The following EPHA3 variants were observed in gnomAD, a reference collection of about 807,000 sequenced individuals.
EPHA3 encodes EPH receptor A3.
EPHA3 carries 42 observed loss-of-function variants against 107.1 expected under a neutral mutation model. The observed-to-expected ratio is 0.39, with a 90% CI of 0.31 to 0.51. EPHA3 has a LOEUF of 0.51. Ranked by LOEUF, EPHA3 falls within the 20% of genes least tolerant of loss-of-function variation. The pLI is 0.78. For synonymous variants in EPHA3, 461 were observed against 424.8 expected, an observed-to-expected ratio of 1.09 and a Z score of -1.05; for missense variants, 1,183 against 1,211.2, an observed-to-expected ratio of 0.98 and a Z score of 0.35.
At chr3:89,334,872 C>T (rs1707360159) in intron 3 of EPHA3, among the ~76,000 whole-genome samples, 2 of 152,182 alleles carry the variant, frequency 1.3e-5, no homozygotes, top group Non-Finnish European at 2.9e-5. Context: ...TTCCCGCTTC[C>T]TAGTCCAGTG....
At chr3:89,293,975 T>C (rs1390825457) in intron 3 of EPHA3, among the ~76,000 whole-genome samples, 5 of 152,180 alleles carry the variant, frequency 3.3e-5, no homozygotes, top group Non-Finnish European at 7.3e-5. Flanking sequence ...TTTTACATAA[T>C]TTTCATGTAA....
chr3:89,289,982 A>G (rs775847258), intron 3 of EPHA3, among the ~76,000 whole-genome samples: 27 of 152,100 alleles, frequency 1.8e-4, no homozygotes, highest in Non-Finnish European at 2.6e-4. Flanking sequence ...TACCTAATGT[A>G]ACAGACCATG....
intron 5 of EPHA3, among the ~76,000 whole-genome samples, chr3:89,359,412 G>GA (rs1708038902): frequency 1.3e-5 from 2 of 150,390 alleles, no homozygotes; most frequent in Admixed American, 1.3e-4. Flanking sequence ...AGATATAAAG[G>GA]AAAAATCCAC....
intron 3 of EPHA3, among the ~76,000 whole-genome samples, chr3:89,294,472 A>T (rs1308386486): frequency 1.3e-5 from 2 of 151,978 alleles, no homozygotes; most frequent in East Asian, 3.9e-4. Flanking sequence ...TGGTAGTTTC[A>T]TTTATTCCTT....
chr3:89,233,010 G>A (rs1704673228), intron 3 of EPHA3, among the ~76,000 whole-genome samples: 2 of 152,054 alleles, frequency 1.3e-5, no homozygotes, highest in Non-Finnish European at 2.9e-5. Flanking sequence ...AAATAGTCAA[G>A]TTGAGGCTTT....
intron 13 of EPHA3, among the ~76,000 whole-genome samples, chr3:89,441,602 A>C (rs1271351730): frequency 1.3e-5 from 2 of 152,178 alleles, no homozygotes; most frequent in Non-Finnish European, 2.9e-5. Flanking sequence ...CATTTTAAAA[A>C]TGTCCTTCAC....
intron 3 of EPHA3, among the ~76,000 whole-genome samples, chr3:89,237,519 CT>C (rs1704794651): frequency 6.6e-6 from 1 of 152,172 alleles, no homozygotes; most frequent in Non-Finnish European, 1.5e-5. Flanking sequence ...TTTTTGTTGA[CT>C]TTTCATTTTT....
intron 2 of EPHA3, among the ~76,000 whole-genome samples, chr3:89,186,741 G>A (rs1705577223): frequency 6.6e-6 from 1 of 152,034 alleles, no homozygotes; most frequent in Non-Finnish European, 1.5e-5. Flanking sequence ...AGTACATTCA[G>A]TGTTTAGGTA....
chr3:89,210,632 T>A (rs570271548), intron 3 of EPHA3, 112 bp downstream of exon 3: 1 of 1,099,354 alleles, frequency 9.1e-7, no homozygotes, highest in Non-Finnish European at 1.3e-6. Context: ...AAAACATGCC[T>A]CAAACTGACC....
intron 3 of EPHA3, among the ~76,000 whole-genome samples, chr3:89,340,073 G>A (rs978417919): frequency 6.6e-6 from 1 of 152,164 alleles, no homozygotes; most frequent in East Asian, 1.9e-4. Flanking sequence ...AAATAATATA[G>A]TAGAGGCAGT....
rs1357125139 is a variant in EPHA3 at position 89,274,712 on chromosome 3, CT to C, written c.814+64193del. Among the ~76,000 whole-genome samples the C allele has an allele frequency of 2.6e-5, 4 of 152,054 alleles. No homozygotes were observed. In the East Asian group the frequency reaches 7.7e-4, roughly 29 times the overall value. On this transcript the variant is annotated intron_variant, in intron 3 of 16. Transcript: ENST00000336596. ...TTGAATGCCTGCCTTGTACCTTGGG[CT>C]GTCAAAGTTTTCCGCACTTTTGGAG...
In EPHA3 at chr3:89,363,164, A is replaced by G. The variant is rs975346074; in HGVS notation, c.1306+21074A>G. ...GAAGTTTCTCCAGAGAAGCAGAACC[A>G]ATAGACTGTGTGTATCTATCTATCC... On this transcript the variant is annotated intron_variant, in intron 5 of 16. Coordinates refer to ENST00000336596, the MANE Select transcript of EPHA3 (RefSeq NM_005233.6). Among the ~76,000 whole-genome samples, 15 of 151,010 alleles carry G rather than the reference A, an allele frequency of 9.9e-5. 1 individual carries two copies. The highest frequency in any genetic ancestry group is 3.4e-4 in the African/African-American group (14 of 41,326).
intron 2 of EPHA3, among the ~76,000 whole-genome samples, chr3:89,164,823 A>G (rs1309797292): frequency 6.6e-6 from 1 of 152,220 alleles, no homozygotes; most frequent in Non-Finnish European, 1.5e-5. Flanking sequence ...GTCACAGTAT[A>G]TCTCAGGGAC....
intron 15 of EPHA3, among the ~76,000 whole-genome samples, chr3:89,469,290 A>G (rs1710354849): frequency 6.6e-6 from 1 of 152,202 alleles, no homozygotes; most frequent in East Asian, 1.9e-4. Flanking sequence ...GGGGACTATT[A>G]ATCTATATTT....
chr3:89,399,502 T>C, intron 7 of EPHA3, 22 bp downstream of exon 7: 1 of 1,610,620 alleles, frequency 6.2e-7, no homozygotes, highest in Non-Finnish European at 8.5e-7. Context: ...TTCAATGCAG[T>C]CTAGAGGAGG....
chr3:89,472,487 A>G lies in EPHA3; in HGVS notation c.2714A>G (p.Gln905Arg), dbSNP rs759593006. The G allele has an allele frequency of 6.2e-7, 1 of 1,613,944 alleles. No homozygotes were observed. ...AGGCCATCAAACCTTCTTCTGGACC[A>G]AAGCAATGTGGATATCACTACCTTC... ...AARPSNLLLD[Q>R]SNVDITTFRT... is the part of the protein sequence containing the mutation. The change falls in exon 16 of 17, where the codon CAA (glutamine) becomes CGA (arginine). Residue 905 changes from glutamine to arginine, a missense_variant. Physicochemically the swap from Gln to Arg is conservative, Grantham distance 43. Coordinates refer to ENST00000336596, the MANE Select transcript of EPHA3 (RefSeq NM_005233.6).
intron 2 of EPHA3, among the ~76,000 whole-genome samples, chr3:89,186,353 C>G (rs1349117431): frequency 6.6e-6 from 1 of 150,564 alleles, no homozygotes; most frequent in Non-Finnish European, 1.5e-5. Flanking sequence ...CTGTAACTAT[C>G]AATACATGTC....
chr3:89,295,016 G>A (rs193016623), intron 3 of EPHA3, among the ~76,000 whole-genome samples: 8 of 152,274 alleles, frequency 5.3e-5, no homozygotes, highest in Admixed American at 5.2e-4. Context: ...CATGGATTCA[G>A]AGAAGTGTTT....
At chr3:89,231,840 G>A (rs1182841243) in intron 3 of EPHA3, among the ~76,000 whole-genome samples, 1 of 152,164 alleles carries the variant, frequency 6.6e-6, no homozygotes, top group African/African-American at 2.4e-5. Context: ...AAGATCCAGG[G>A]AAAAGTGTAT....
Sources: allele counts gnomAD v4.1 joint callset (sites outside exome capture counted in the v4.1 genomes callset), GRCh38; gene constraint gnomAD v4.1.1; transcripts MANE v1.5; gene names NCBI Gene and HGNC (gene_info 2026-07-23, HGNC 2026-07-21).